The following CHL1 variants were observed in gnomAD, a reference collection of about 807,000 sequenced individuals.
CHL1 encodes the protein neural cell adhesion molecule L1-like protein.
Under a neutral mutation model 141.9 loss-of-function variants are expected in CHL1, and 96 were observed. The observed-to-expected ratio is 0.68, with a 90% CI of 0.57 to 0.80. CHL1 has a LOEUF of 0.80. Among genes scored for constraint, CHL1 ranks in the 30% least tolerant of loss-of-function variants. The pLI is 0.00. For missense variants in CHL1, 1,820 were observed against 1,457.2 expected, an observed-to-expected ratio of 1.25 and a Z score of -4.05; for synonymous variants, 613 against 502.2, an observed-to-expected ratio of 1.22 and a Z score of -2.95.
intron 16 of CHL1, among the ~76,000 whole-genome samples, chr3:381,331 T>C (rs1707010633): frequency 2.0e-5 from 3 of 152,008 alleles, no homozygotes; most frequent in African/African-American, 7.2e-5. Flanking sequence ...CAAACTGGGG[T>C]CCACCAACCC....
chr3:309,666 G>A (rs1025744903), intron 2 of CHL1, among the ~76,000 whole-genome samples: 1 of 151,796 alleles, frequency 6.6e-6, no homozygotes. Context: ...CGTACCCTAT[G>A]CCTTGCTAAT....
rs1010580752 is a variant in CHL1, at chr3:389,795, G to A, written c.2470+321G>A. Among the ~76,000 whole-genome samples, 89 of 152,152 alleles carry A rather than the reference G, an allele frequency of 5.8e-4. 1 individual carries two copies. The highest frequency in any genetic ancestry group is 4.3e-3 in the Admixed American group (66 of 15,274). The stretch of plus-strand genomic sequence containing the variant: ...AGCATAACTGTCATAAGATTTTCAA[G>A]TACATCTGCCCTTTGCCCTTACTTG... On this transcript the variant is annotated intron_variant, in intron 20 of 27. Transcript: ENST00000256509.
intron 1 of CHL1, among the ~76,000 whole-genome samples, chr3:227,633 G>A (rs1701474472): frequency 6.6e-6 from 1 of 152,224 alleles, no homozygotes. Flanking sequence ...ATTTAATGCT[G>A]ACATATCAGA....
At chr3:394,616 G>A (rs1708516095) in intron 23 of CHL1, 77 bp from the exon 24 acceptor site, 2 of 1,041,520 alleles carry the variant, frequency 1.9e-6, no homozygotes, top group Non-Finnish European at 1.4e-6. Flanking sequence ...ACAAGCATAA[G>A]GAGAAATGAA....
At chr3:339,982 A>C (rs1029193824) in intron 5 of CHL1, among the ~76,000 whole-genome samples, 2 of 152,190 alleles carry the variant, frequency 1.3e-5, no homozygotes, top group Non-Finnish European at 2.9e-5. Context: ...CAAAAGTTGA[A>C]AGATATCAAT....
chr3:299,155 A>G (rs1429248715), intron 2 of CHL1, among the ~76,000 whole-genome samples: 1 of 152,208 alleles, frequency 6.6e-6, no homozygotes, highest in Non-Finnish European at 1.5e-5. Context: ...GTCTTAGAGA[A>G]GACACAGTCA....
At chr3:286,591 A>G (rs1391012840) in intron 2 of CHL1, among the ~76,000 whole-genome samples, 1 of 146,910 alleles carries the variant, frequency 6.8e-6, no homozygotes, top group Admixed American at 6.8e-5. Flanking sequence ...AGCCTGGGTG[A>G]CAGAGTGAGA....
In CHL1 at chr3:276,425, G is replaced by A. The variant is rs183229438; in HGVS notation, c.-95+31733G>A. ...GTTTAGCCTGTTTGGAAGAAAGCTG[G>A]TGTTTTATAGTTTGCAGCATGATTG... On this transcript the variant is annotated intron_variant, in intron 2 of 27. Transcript: ENST00000256509. Among the ~76,000 whole-genome samples, 509 of 152,252 alleles carry A rather than the reference G, an allele frequency of 3.3e-3. 2 individuals carry two copies. Among genetic ancestry groups the A allele is most frequent in the African/African-American group, 0.012 (487 of 41,536 alleles).
At chr3:258,869 T>C (rs13091102) in intron 2 of CHL1, among the ~76,000 whole-genome samples, 4,152 of 142,690 alleles carry the variant, frequency 0.029, 65 homozygotes, top group Non-Finnish European at 0.04. Flanking sequence ...CTAAGTCCCC[T>C]TTTTTTTTTT....
chr3:205,019 C>T (rs2124846173), intron 1 of CHL1, among the ~76,000 whole-genome samples: 1 of 152,188 alleles, frequency 6.6e-6, no homozygotes, highest in Non-Finnish European at 1.5e-5. Flanking sequence ...AGAATTAAAT[C>T]ATCTTAGATA....
At chr3:330,229 A>C (rs111405269) in intron 5 of CHL1, among the ~76,000 whole-genome samples, 74 of 152,266 alleles carry the variant, frequency 4.9e-4, no homozygotes, top group African/African-American at 1.7e-3. Context: ...ATACATTTCT[A>C]AGTGAGTCTT....
chr3:400,042 T>C, intron 26 of CHL1, among the ~76,000 whole-genome samples: 1 of 152,236 alleles, frequency 6.6e-6, no homozygotes, highest in East Asian at 1.9e-4. Flanking sequence ...TTTGTCTTTT[T>C]CAGATATACA....
At chr3:204,523 G>A (rs912668145) in intron 1 of CHL1, among the ~76,000 whole-genome samples, 2 of 152,220 alleles carry the variant, frequency 1.3e-5, no homozygotes, top group African/African-American at 4.8e-5. Context: ...GTAATAGAAT[G>A]TAAGTGGATA....
intron 1 of CHL1, among the ~76,000 whole-genome samples, chr3:243,629 G>C (rs1692880903): frequency 6.6e-6 from 1 of 152,108 alleles, no homozygotes; most frequent in South Asian, 2.1e-4. Flanking sequence ...ATTGCAATCT[G>C]TTTCTAACTA....
At chr3:197,726 G>C (rs1251927545) in intron 1 of CHL1, 2 of 450,478 alleles carry the variant, frequency 4.4e-6, no homozygotes, top group Non-Finnish European at 8.9e-6. Context: ...AGAGGGGCTA[G>C]AGCTCCACCT....
chr3:251,766 T>C (rs1019972406), intron 2 of CHL1, among the ~76,000 whole-genome samples: 1 of 152,160 alleles, frequency 6.6e-6, no homozygotes, highest in East Asian at 1.9e-4. Flanking sequence ...ATTTTACTTA[T>C]ATTTCTTTAA....
chr3:342,226 T>C (rs139547860), intron 7 of CHL1, 144 bp downstream of exon 7: 14 of 607,640 alleles, frequency 2.3e-5, no homozygotes, highest in South Asian at 5.8e-5. Context: ...CCAGATGAAA[T>C]AGACATCTGC....
At chr3:218,463 G>A (rs778869282) in intron 1 of CHL1, among the ~76,000 whole-genome samples, 1 of 152,166 alleles carries the variant, frequency 6.6e-6, no homozygotes, top group Non-Finnish European at 1.5e-5. Context: ...AGTCAGTAGA[G>A]AAGATGTTAC....
intron 9 of CHL1, among the ~76,000 whole-genome samples, chr3:347,752 A>T (rs1233004885): frequency 6.6e-6 from 1 of 152,170 alleles, no homozygotes; most frequent in Non-Finnish European, 1.5e-5. Flanking sequence ...GCATCCTCTT[A>T]GGTGGTGTGC....
Sources: allele counts gnomAD v4.1 joint callset (sites outside exome capture counted in the v4.1 genomes callset), GRCh38; gene constraint gnomAD v4.1.1; transcripts MANE v1.5; gene names NCBI Gene and HGNC (gene_info 2026-07-23, HGNC 2026-07-21).